The following GAK variants were observed in gnomAD, a reference collection of about 807,000 sequenced individuals.
The protein encoded by GAK is cyclin-G-associated kinase.
A neutral mutation model predicts 143.9 loss-of-function variants in GAK; 79 were observed. The ratio of observed to expected loss-of-function variants is 0.55; its 90% CI spans 0.46 to 0.66. GAK has a LOEUF of 0.66. GAK is among the 30% of genes least tolerant of loss of function. The pLI, the probability that GAK is intolerant of heterozygous loss-of-function variation, is 0.00. For synonymous variants in GAK, 881 were observed against 765.5 expected, an observed-to-expected ratio of 1.15 and a Z score of -2.49; for missense variants, 1,693 against 1,779.7, an observed-to-expected ratio of 0.95 and a Z score of 0.88.
intron 24 of GAK, among the ~76,000 whole-genome samples, chr4:858,524 A>T (rs1197619128): frequency 6.6e-6 from 1 of 152,272 alleles, no homozygotes; most frequent in Non-Finnish European, 1.5e-5. Context: ...CTCTCAGACA[A>T]CACAAGACAG....
chr4:906,458 G>A (rs1364125100), intron 4 of GAK, among the ~76,000 whole-genome samples: 1 of 152,100 alleles, frequency 6.6e-6, no homozygotes, highest in Non-Finnish European at 1.5e-5. Context: ...TGTGGGGCCG[G>A]GGCAGCACGC....
intron 24 of GAK, 165 bp downstream of exon 24, chr4:859,441 A>G: frequency 3.8e-6 from 6 of 1,584,474 alleles, no homozygotes; most frequent in Non-Finnish European, 5.1e-6. Context: ...GTCGCCTGGA[A>G]CAGGTGCAGA....
intron 19 of GAK, among the ~76,000 whole-genome samples, chr4:870,302 A>C (rs1712272684): frequency 6.6e-6 from 1 of 152,214 alleles, no homozygotes; most frequent in Non-Finnish European, 1.5e-5. Context: ...AACTGCTCGG[A>C]AGTGAAGAGC....
At position 876,517 on chromosome 4, in the gene GAK, G is replaced by A. The variant is rs372772306; in HGVS notation, c.2054+13C>T. The A allele has an allele frequency of 2.4e-5, 38 of 1,611,920 alleles. No individual in the cohort carries two copies. Among genetic ancestry groups the A allele is most frequent in the African/African-American group, 2.0e-4 (15 of 74,918 alleles). The stretch of plus-strand genomic sequence containing the variant: ...CTGTCCCTCCCCACCGAGCACAAGC[G>A]GTACCAACGTACTTGGCAAATTTCA... On this transcript the variant is annotated intron_variant, in intron 18 of 27. Coordinates refer to ENST00000314167, the MANE Select transcript of GAK (RefSeq NM_005255.4).
At chr4:849,833 G>GGCCCCCCCCCCCC in intron 27 of GAK, 59 bp from the exon 28 acceptor site, 13 of 1,190,130 alleles carry the variant, frequency 1.1e-5, no homozygotes, top group Non-Finnish European at 1.4e-5. Context: ...GGCGGGGCAG[G>GGCCCCCCCCCCCC]ACCCCCCCCC....
chr4:859,425 T>C (rs150204280), intron 24 of GAK, 181 bp downstream of exon 24: 160 of 1,560,770 alleles, frequency 1.0e-4, no homozygotes, highest in Non-Finnish European at 1.4e-4. Flanking sequence ...AGCTTGCCAG[T>C]TGGCAGTCGC....
chr4:868,947 GCAT>G, intron 19 of GAK: 1 of 483,708 alleles, frequency 2.1e-6, no homozygotes, highest in Admixed American at 3.6e-5. Context: ...CACCACTGAG[GCAT>G]CAAACGCCAC....
intron 23 of GAK, among the ~76,000 whole-genome samples, chr4:864,014 G>T (rs1005432076): frequency 2.6e-5 from 4 of 151,730 alleles, no homozygotes; most frequent in Non-Finnish European, 5.9e-5. Context: ...AACAGAACAA[G>T]ACTCCATCTC....
intron 19 of GAK, chr4:869,666 A>T (rs1371712878): frequency 2.0e-5 from 3 of 147,432 alleles, no homozygotes; most frequent in African/African-American, 7.6e-5. Context: ...ACGAATGCAC[A>T]CACAGCACAT....
At chr4:914,439 C>A (rs1196851163) in intron 1 of GAK, among the ~76,000 whole-genome samples, 4 of 96,920 alleles carry the variant, frequency 4.1e-5, no homozygotes, top group Non-Finnish European at 4.1e-5. Flanking sequence ...CCAGCGTGCA[C>A]GGCCCCCACA....
At position 898,128 on chromosome 4, in the gene GAK, T is replaced by C. The variant is rs1719159864; in HGVS notation, c.556A>G (p.Thr186Ala). The C allele has an allele frequency of 6.2e-7, 1 of 1,613,962 alleles. No individual in the cohort carries two copies. Among genetic ancestry groups the C allele is most frequent in the South Asian group, 1.1e-5 (1 of 91,070 alleles). ...VENLLLSNQGTIKLCDFGSAT... is the reference protein window; with the variant it reads ...VENLLLSNQGAIKLCDFGSAT... ...CTGCCAAAGTCACACAGCTTAATGGTCCCTTGGTTACTAAGCAACAAGTTC... is the reference window on the plus strand; with the variant it reads ...CTGCCAAAGTCACACAGCTTAATGGCCCCTTGGTTACTAAGCAACAAGTTC... The change falls in exon 6 of 28, where the codon ACC becomes GCC. Residue 186 changes from threonine (T) to alanine (A), a missense_variant. Around this residue, in one of 2 missense-constraint regions of GAK, gnomAD observed 871 missense variants for 991.0 expected, o/e 0.88. Coordinates refer to ENST00000314167, the MANE Select transcript of GAK (RefSeq NM_005255.4).
chr4:855,276 T>C (rs1479175283), intron 24 of GAK, among the ~76,000 whole-genome samples: 2 of 151,748 alleles, frequency 1.3e-5, no homozygotes, highest in Admixed American at 6.6e-5. Flanking sequence ...GGTTTTGTAG[T>C]CCCACCACAC....
intron 7 of GAK, 143 bp from the exon 8 acceptor site, chr4:894,152 CTG>C: frequency 1.1e-6 from 1 of 933,220 alleles, no homozygotes; most frequent in South Asian, 2.0e-5. Context: ...AGGGGTGACA[CTG>C]GGGACTGCAG....
Position 863,840 on chromosome 4 carries a change from T to C in GAK, c.3166+1282A>G, listed in dbSNP as rs182733109. Among the ~76,000 whole-genome samples the C allele has an allele frequency of 2.3e-3, 343 of 151,058 alleles. 5 individuals are homozygous for C. Among genetic ancestry groups the C allele is most frequent in the African/African-American group, 7.7e-3 (317 of 41,050 alleles). On this transcript the variant is annotated intron_variant, in intron 23 of 27. Coordinates refer to ENST00000314167, the MANE Select transcript of GAK (RefSeq NM_005255.4). ...GAGTTCGAGACCAGCCCGACCAACA[T>C]AGTGAAACCTCATCTCTACTAAAAA...
chr4:865,964 C>A (rs1751097432), intron 22 of GAK, among the ~76,000 whole-genome samples: 1 of 152,270 alleles, frequency 6.6e-6, no homozygotes, highest in Non-Finnish European at 1.5e-5. Context: ...ACACCCAGAC[C>A]AGGTCAGCTT....
chr4:910,458 A>G (rs766081897), intron 4 of GAK, among the ~76,000 whole-genome samples: 1 of 148,606 alleles, frequency 6.7e-6, no homozygotes, highest in South Asian at 2.1e-4. Flanking sequence ...GGCCCTGCTC[A>G]GTGCAGGGGT....
chr4:859,294 C>A, intron 24 of GAK: 1 of 1,295,942 alleles, frequency 7.7e-7, no homozygotes, highest in Non-Finnish European at 1.0e-6. Context: ...AGCTACACCC[C>A]ACTTCCATGC....
In GAK at chr4:870,802, G is replaced by A. The variant is rs754713114; in HGVS notation, c.2157C>T (p.Ala719=). The A allele has an allele frequency of 2.5e-6, 4 of 1,613,974 alleles. No homozygotes were observed. The highest frequency in any genetic ancestry group is 1.3e-5 in the African/African-American group (1 of 74,918). ...TCATGCTCGAGTTCTCCCATGGTGG[G>A]GCTTCCCGGCTCGGCCTGTCCCTGG... The part of the protein sequence containing the change: ...VEPRDRPSRE[A]PPWENSSMRG... Residue 719 remains alanine (A), a synonymous_variant, in exon 19 of 28, where the codon GCC becomes GCT. Coordinates refer to ENST00000314167, the MANE Select transcript of GAK (RefSeq NM_005255.4).
chr4:867,587 C>T (rs1475661593), intron 20 of GAK, among the ~76,000 whole-genome samples, 155 bp from the exon 21 acceptor site: 1 of 150,682 alleles, frequency 6.6e-6, no homozygotes, highest in South Asian at 2.1e-4. Context: ...TCAGGGCCTC[C>T]TCGGCCCAGG....
Sources: gnomAD v4.1 joint callset for allele counts (sites outside exome capture counted in the v4.1 genomes callset) on GRCh38, gnomAD v4.1.1 for gene constraint, gnomAD v4.1.1 regional missense constraint, MANE v1.5 for transcripts, NCBI Gene and HGNC (gene_info 2026-07-23, HGNC 2026-07-21) for gene names.